ZRSR2: variants seen among roughly 807,000 people sequenced by gnomAD.
ZRSR2 encodes U2 small nuclear ribonucleoprotein auxiliary factor 35 kDa subunit-related protein 2.
In ZRSR2, 3 loss-of-function variants were observed where a neutral mutation model predicts 39.4. The observed-to-expected ratio is 0.08, with a 90% CI of 0.03 to 0.20. The LOEUF is 0.20. ZRSR2 is among the 10% of genes least tolerant of loss of function. The pLI is 1.00. For synonymous variants in ZRSR2, 137 were observed against 136.0 expected, an observed-to-expected ratio of 1.01 and a Z score of -0.05; for missense variants, 256 against 391.5, an observed-to-expected ratio of 0.65 and a Z score of 2.92.
At chrX:15,809,507 C>T (rs1932848490) in intron 7 of ZRSR2, among the ~76,000 whole-genome samples, 189 bp downstream of exon 7, 1 of 112,590 alleles carries the variant, frequency 8.9e-6, no homozygotes, top group Non-Finnish European at 1.9e-5. Flanking sequence ...TTCCCTCTAT[C>T]CTTGTTCCCT....
chrX:15,795,032 C>T (rs1029691019), intron 2 of ZRSR2, among the ~76,000 whole-genome samples: 5 of 110,161 alleles, frequency 4.5e-5, no homozygotes, highest in Non-Finnish European at 7.6e-5. Context: ...TGTCTGTTAG[C>T]TCTTGAATTT....
intron 2 of ZRSR2, among the ~76,000 whole-genome samples, chrX:15,792,189 G>A (rs781346103): frequency 5.4e-4 from 60 of 111,986 alleles, no homozygotes; most frequent in Non-Finnish European, 1.1e-3. Flanking sequence ...TTGGAAAGCC[G>A]AGGCAGATGG....
At chrX:15,796,098 G>A (rs748109636) in intron 2 of ZRSR2, among the ~76,000 whole-genome samples, 164 of 108,740 alleles carry the variant, frequency 1.5e-3, no homozygotes, top group African/African-American at 5.2e-3. Context: ...GCATGAACTC[G>A]GCTCACTGCA....
chrX:15,810,907 AATATT>A (rs1463250947), intron 7 of ZRSR2, among the ~76,000 whole-genome samples: 1 of 106,953 alleles, frequency 9.3e-6, no homozygotes, highest in African/African-American at 3.4e-5. Context: ...TTTATATAAA[AATATT>A]ATATAAATAA....
chrX:15,805,585 G>A (rs1393510823), intron 5 of ZRSR2, among the ~76,000 whole-genome samples: 3 of 112,073 alleles, frequency 2.7e-5, no homozygotes, highest in Non-Finnish European at 3.8e-5. Flanking sequence ...ATGGGAGTGT[G>A]AGATGATAAG....
In ZRSR2 at chrX:15,809,228, C is replaced by G; in HGVS notation, c.467C>G (p.Pro156Arg). 8.3e-7 allele frequency: 1 copy of G among 1,210,337 alleles called. No homozygotes were observed. Among genetic ancestry groups the G allele is most frequent in the East Asian group, 3.0e-5 (1 of 33,851 alleles). ...ELENGTTWQN[P>R]EPPVDFRVME... is the part of the protein sequence containing the mutation. ...GAAAATGGTACCACATGGCAAAACCCAGAACCACCCGTGGATTTCAGAGTA... is the reference window on the plus strand; with the variant it reads ...GAAAATGGTACCACATGGCAAAACCGAGAACCACCCGTGGATTTCAGAGTA... Residue 156 changes from proline (P) to arginine (R), a missense_variant, in exon 7 of 11, where the codon CCA becomes CGA. Pro to Arg is a moderately radical substitution (Grantham distance 103, BLOSUM62 -2). Coordinates refer to ENST00000307771, the MANE Select transcript of ZRSR2 (RefSeq NM_005089.4).
intron 1 of ZRSR2, 143 bp downstream of exon 1, chrX:15,790,679 C>T: frequency 1.1e-6 from 1 of 874,419 alleles, no homozygotes. Flanking sequence ...CGCTCTGGTG[C>T]CCTCCCCGGA....
At chrX:15,802,234 G>GTAA (rs951969567) in intron 3 of ZRSR2, among the ~76,000 whole-genome samples, 1 of 112,413 alleles carries the variant, frequency 8.9e-6, no homozygotes, top group Admixed American at 9.4e-5. Context: ...TACTGCTGAA[G>GTAA]TAATATAGAA....
intron 2 of ZRSR2, among the ~76,000 whole-genome samples, chrX:15,799,049 G>T (rs775861160): frequency 9.1e-6 from 1 of 110,211 alleles, no homozygotes; most frequent in East Asian, 2.9e-4. Context: ...AGCTGGGCAT[G>T]GTGGCGCGCG....
chrX:15,821,687 T>C (rs1276890336), intron 10 of ZRSR2, among the ~76,000 whole-genome samples: 8 of 110,737 alleles, frequency 7.2e-5, no homozygotes, highest in Non-Finnish European at 1.3e-4. Context: ...GTCACAAAGA[T>C]TTACTTGTAT....
intron 3 of ZRSR2, chrX:15,801,311 C>T: frequency 4.1e-6 from 1 of 245,357 alleles, no homozygotes; most frequent in Middle Eastern, 1.4e-3. Context: ...TCACCGCAAC[C>T]TCCACCTCCC....
intron 3 of ZRSR2, among the ~76,000 whole-genome samples, 169 bp downstream of exon 3, chrX:15,800,122 T>C (rs760751398): frequency 9.0e-6 from 1 of 111,422 alleles, no homozygotes; most frequent in South Asian, 3.7e-4. Flanking sequence ...AAACTAGATG[T>C]TATTTTTTTT....
chrX:15,807,672 A>T (rs1932816912), intron 5 of ZRSR2, among the ~76,000 whole-genome samples: 1 of 111,501 alleles, frequency 9.0e-6, no homozygotes, highest in African/African-American at 3.3e-5. Flanking sequence ...AAGTATTACT[A>T]TTATTGAAAC....
chrX:15,809,724 T>C (rs1299074791), intron 7 of ZRSR2, among the ~76,000 whole-genome samples: 1 of 111,594 alleles, frequency 9.0e-6, no homozygotes, highest in Non-Finnish European at 1.9e-5. Flanking sequence ...TTTTAAAACT[T>C]GGCATGTGCC....
intron 2 of ZRSR2, among the ~76,000 whole-genome samples, chrX:15,792,756 A>G (rs1233527921): frequency 1.8e-5 from 2 of 112,784 alleles, no homozygotes; most frequent in African/African-American, 6.4e-5. Flanking sequence ...TGTAGTAGTT[A>G]TAAATCCAGA....
At chrX:15,794,916 A>T (rs1196519430) in intron 2 of ZRSR2, among the ~76,000 whole-genome samples, 2 of 111,569 alleles carry the variant, frequency 1.8e-5, no homozygotes, top group African/African-American at 6.5e-5. Context: ...GTCTAGTGTC[A>T]ATTTGTTTTC....
At chrX:15,804,048 G>A (rs1932753836) in intron 4 of ZRSR2, 63 bp from the exon 5 acceptor site, 2 of 1,097,748 alleles carry the variant, frequency 1.8e-6, no homozygotes, top group Non-Finnish European at 2.4e-6. Context: ...ATCTATGTGC[G>A]CTGTATGTGA....
intron 1 of ZRSR2, 131 bp from the exon 2 acceptor site, chrX:15,790,803 A>C: frequency 1.5e-6 from 1 of 664,822 alleles, no homozygotes; most frequent in South Asian, 2.6e-5. Context: ...TTCTGTAATT[A>C]AAATACAGGA....
chrX:15,807,976 G>A (rs1164210047), intron 5 of ZRSR2, among the ~76,000 whole-genome samples: 1 of 110,290 alleles, frequency 9.1e-6, no homozygotes, highest in African/African-American at 3.3e-5. Context: ...GGAGGCGGAG[G>A]TTGCAGTGAG....
Sources: allele counts gnomAD v4.1 joint callset (sites outside exome capture counted in the v4.1 genomes callset), GRCh38; gene constraint gnomAD v4.1.1; transcripts MANE v1.5; gene names NCBI Gene and HGNC (gene_info 2026-07-23, HGNC 2026-07-21).